The following CDKL4 variants were observed in gnomAD, a reference collection of about 807,000 sequenced individuals.
CDKL4 encodes cyclin dependent kinase like 4.
CDKL4 carries 44 observed loss-of-function variants against 42.0 expected under a neutral mutation model. That is an observed-to-expected ratio of 1.05 (90% CI 0.82 to 1.35). CDKL4 has a LOEUF of 1.35. CDKL4 is among the 40% of genes most tolerant of loss of function. The pLI is 0.00. For missense variants in CDKL4, 393 were observed against 369.9 expected (o/e 1.06, Z -0.51); for synonymous variants, 120 against 121.6 (o/e 0.99, Z 0.09).
intron 8 of CDKL4, 45 bp from the exon 9 acceptor site, chr2:39,179,366 C>G (rs761396271): frequency 8.2e-6 from 12 of 1,461,572 alleles, no homozygotes; most frequent in Non-Finnish European, 1.1e-5. Flanking sequence ...GGGAGGGGCT[C>G]ATTTTGTTAC....
At chr2:39,209,107 C>T (rs1677406342) in intron 4 of CDKL4, among the ~76,000 whole-genome samples, 1 of 150,220 alleles carries the variant, frequency 6.7e-6, no homozygotes, top group South Asian at 2.1e-4. Flanking sequence ...TTGAGACCAC[C>T]CTGGGCAACA....
At chr2:39,232,007 C>G (rs1382256596) in intron 1 of CDKL4, among the ~76,000 whole-genome samples, 1 of 152,208 alleles carries the variant, frequency 6.6e-6, no homozygotes, top group Non-Finnish European at 1.5e-5. Context: ...TTGGGGGAAA[C>G]TATAAATATG....
chr2:39,229,430 A>T lies in CDKL4; in HGVS notation c.103T>A (p.Phe35Ile), dbSNP rs772678564. 1.1e-5 allele frequency: 18 copies of T among 1,612,974 alleles called. No homozygotes were observed. The highest frequency in any genetic ancestry group is 1.3e-5 in the Non-Finnish European group (15 of 1,179,650). The change falls in exon 2 of 10, where the codon TTT becomes ATT. Residue 35 changes from phenylalanine (F) to isoleucine (I), a missense_variant. Transcript: ENST00000451199. Reference sequence around the variant, plus strand: ...ACAGGATCATCTTCAGATTCCACAAATTTTTTAACAGCTACTACTTGTCCA... The same window carrying T: ...ACAGGATCATCTTCAGATTCCACAATTTTTTTAACAGCTACTACTTGTCCA...
At chr2:39,215,373 T>A (rs1179029009) in intron 3 of CDKL4, among the ~76,000 whole-genome samples, 2 of 152,238 alleles carry the variant, frequency 1.3e-5, no homozygotes, top group African/African-American at 2.4e-5. Flanking sequence ...ACTCAATGTA[T>A]ATCATGGTCT....
chr2:39,225,256 C>T (rs935881444), intron 3 of CDKL4, among the ~76,000 whole-genome samples: 2 of 151,910 alleles, frequency 1.3e-5, no homozygotes, highest in African/African-American at 2.4e-5. Flanking sequence ...AAAAATTAGC[C>T]GGGCATGGTG....
At chr2:39,209,317 GAAAA>G (rs11372337) in intron 4 of CDKL4, among the ~76,000 whole-genome samples, 1 of 137,288 alleles carries the variant, frequency 7.3e-6, no homozygotes, top group South Asian at 2.3e-4. Context: ...GTCTCAGGAA[GAAAA>G]AAAAAAAAAA....
At chr2:39,203,486 T>C (rs1676979162) in intron 5 of CDKL4, among the ~76,000 whole-genome samples, 1 of 152,226 alleles carries the variant, frequency 6.6e-6, no homozygotes, top group Non-Finnish European at 1.5e-5. Context: ...ACCGCATCTA[T>C]ACCATGCATT....
chr2:39,187,720 C>G lies in CDKL4; in HGVS notation c.653-11G>C. On this transcript the variant is annotated splice_polypyrimidine_tract_variant and intron_variant, in intron 6 of 9. Transcript: ENST00000451199. Reference sequence around the variant, plus strand: ...TTGGGATTAATTTTCCTGTAAAATACAAACCACATAATTCATCATAAATTT... The same window carrying G: ...TTGGGATTAATTTTCCTGTAAAATAGAAACCACATAATTCATCATAAATTT... The G allele has an allele frequency of 6.4e-7, 1 of 1,568,086 alleles. No individual in the cohort carries two copies. The highest frequency in any genetic ancestry group is 8.8e-7 in the Non-Finnish European group (1 of 1,139,740).
At chr2:39,243,999 C>T (rs1423332799), upstream of CDKL4, among the ~76,000 whole-genome samples, 1 of 152,264 alleles carries the variant, frequency 6.6e-6, no homozygotes, top group African/African-American at 2.4e-5. Flanking sequence ...ACCGCCGCAG[C>T]GTCTCCCGGG....
intron 3 of CDKL4, among the ~76,000 whole-genome samples, chr2:39,215,060 C>T (rs1677831686): frequency 6.6e-6 from 1 of 152,186 alleles, no homozygotes; most frequent in Non-Finnish European, 1.5e-5. Flanking sequence ...TACACACTGC[C>T]AAACTACCCT....
chr2:39,240,650 T>A, intron 1 of CDKL4, among the ~76,000 whole-genome samples: 3 of 114,784 alleles, frequency 2.6e-5, no homozygotes, highest in African/African-American at 3.3e-5. Flanking sequence ...CAAAAAGGAA[T>A]GAACTTGCTA....
At chr2:39,191,561 T>C (rs188725956) in intron 5 of CDKL4, among the ~76,000 whole-genome samples, 1 of 152,320 alleles carries the variant, frequency 6.6e-6, no homozygotes, top group Non-Finnish European at 1.5e-5. Context: ...TGGTAATGTA[T>C]CATGGCAGCC....
intron 4 of CDKL4, 84 bp from the exon 5 acceptor site, chr2:39,204,701 C>T: frequency 2.8e-6 from 2 of 718,848 alleles, no homozygotes; most frequent in Non-Finnish European, 4.6e-6. Flanking sequence ...ATAACAGATA[C>T]ACAGCCTATG....
chr2:39,201,682 A>T (rs1449358581), intron 5 of CDKL4, among the ~76,000 whole-genome samples: 2 of 152,202 alleles, frequency 1.3e-5, no homozygotes, highest in Non-Finnish European at 2.9e-5. Flanking sequence ...CCTGGATGGA[A>T]CTGGAGACCA....
rs1558547262 is a variant in CDKL4, at chr2:39,185,366, ATATATACATATGTATATATACATG to A, written c.736-743_736-720del. 1.0e-3 allele frequency among the ~76,000 whole-genome samples: 65 copies of A among 63,520 alleles called. 17 individuals are homozygous for A. Among genetic ancestry groups the A allele is most frequent in the African/African-American group, 4.8e-3 (60 of 12,452 alleles). The allele number at this position is 63,520 out of a possible 152,430, so 41.7% of individuals were successfully genotyped here. On this transcript the variant is annotated intron_variant, in intron 7 of 9. Coordinates refer to ENST00000451199, the Ensembl canonical transcript of CDKL4. ...TATACACATATGTATATATACATATATATATACATATGTATATATACATGTATATATACATATGTGTATATATAC... is the reference window on the plus strand; with the variant it reads ...TATACACATATGTATATATACATATATATATATACATATGTGTATATATAC...
chr2:39,244,561 C>G (rs1288532608), upstream of CDKL4, among the ~76,000 whole-genome samples: 6 of 152,258 alleles, frequency 3.9e-5, no homozygotes, highest in South Asian at 6.2e-4. Context: ...CCTCCCACCC[C>G]CTCCATGGGT....
intron 3 of CDKL4, among the ~76,000 whole-genome samples, chr2:39,225,506 A>G (rs921220385): frequency 1.9e-4 from 29 of 152,182 alleles, no homozygotes; most frequent in Non-Finnish European, 3.7e-4. Context: ...AAATTTATCA[A>G]TCGTACATTT....
intron 4 of CDKL4, among the ~76,000 whole-genome samples, chr2:39,207,283 G>A (rs1003551544): frequency 3.3e-5 from 5 of 152,120 alleles, no homozygotes; most frequent in Non-Finnish European, 7.4e-5. Context: ...TACACAAGAC[G>A]CTGAGATGGG....
intron 3 of CDKL4, among the ~76,000 whole-genome samples, chr2:39,215,378 T>C (rs895036437): frequency 1.3e-5 from 2 of 152,370 alleles, no homozygotes; most frequent in East Asian, 3.8e-4. Context: ...ATGTATATCA[T>C]GGTCTGTTAT....
Sources: allele counts gnomAD v4.1 joint callset (sites outside exome capture counted in the v4.1 genomes callset), GRCh38; gene constraint gnomAD v4.1.1; transcripts MANE v1.5; gene names NCBI Gene and HGNC (gene_info 2026-07-23, HGNC 2026-07-21).